Variants in KIF21A observed in about 807,000 individuals in gnomAD.
The protein encoded by KIF21A is kinesin family member 21A, also known as kinesin-like protein KIF21A.
Under a neutral mutation model 202.9 loss-of-function variants are expected in KIF21A, and 114 were observed. That is an observed-to-expected ratio of 0.56 (90% confidence interval 0.48 to 0.66). The LOEUF (loss-of-function observed/expected upper bound fraction) is 0.66, where lower values mean the gene tolerates loss of function less well. KIF21A is among the 30% of genes least tolerant of loss of function. KIF21A has a pLI of 0.00. For synonymous variants in KIF21A, 667 were observed against 670.8 expected, an observed-to-expected ratio of 0.99 and a Z score of 0.09; for missense variants, 1,677 against 1,994.9, an observed-to-expected ratio of 0.84 and a Z score of 3.04.
intron 28 of KIF21A, among the ~76,000 whole-genome samples, chr12:39,319,463 A>G (rs80309758): frequency 0.011 from 1,676 of 152,348 alleles, 40 homozygotes; most frequent in African/African-American, 0.036. Flanking sequence ...AAATGGCACA[A>G]TAACACACCC....
chr12:39,441,621 G>A, intron 1 of KIF21A, among the ~76,000 whole-genome samples: 1 of 110,266 alleles, frequency 9.1e-6, no homozygotes, highest in East Asian at 2.8e-4. Context: ...TATAACAGGT[G>A]ATTCTAACCA....
At chr12:39,389,854 T>A (rs1300332449) in intron 1 of KIF21A, among the ~76,000 whole-genome samples, 1 of 152,174 alleles carries the variant, frequency 6.6e-6, no homozygotes, top group Non-Finnish European at 1.5e-5. Flanking sequence ...TGACTACATA[T>A]TTTGAAGATT....
chr12:39,439,870 C>T (rs75760524), intron 1 of KIF21A, among the ~76,000 whole-genome samples: 168 of 152,228 alleles, frequency 1.1e-3, no homozygotes, highest in African/African-American at 4.0e-3. Context: ...GACCCATTTC[C>T]TTATCTTGAG....
At chr12:39,440,326 G>A (rs1939385843) in intron 1 of KIF21A, among the ~76,000 whole-genome samples, 1 of 152,206 alleles carries the variant, frequency 6.6e-6, no homozygotes. Flanking sequence ...GGGCTACTGA[G>A]TCAAGCTATC....
intron 10 of KIF21A, 42 bp from the exon 11 acceptor site, chr12:39,352,022 T>C (rs1474024631): frequency 2.9e-6 from 4 of 1,391,086 alleles, no homozygotes; most frequent in African/African-American, 2.8e-5. Flanking sequence ...CATTTTTCTC[T>C]GTGGATAAAA....
intron 31 of KIF21A, among the ~76,000 whole-genome samples, chr12:39,314,094 G>A (rs79367089): frequency 0.045 from 6,871 of 151,696 alleles, 217 homozygotes; most frequent in East Asian, 0.12. Flanking sequence ...GAAGACTAAC[G>A]AATGGAAATT....
In KIF21A at chr12:39,358,259, A is replaced by G. The variant is rs996770026; in HGVS notation, c.1134T>C (p.Asn378=). 6.2e-7 allele frequency: 1 copy of G among 1,613,916 alleles called. No homozygotes were observed. The highest frequency in any genetic ancestry group is 1.3e-5 in the African/African-American group (1 of 74,888). ...TGATTTGCTGACTAGCTCTGTCCTG[A>G]TTGACCATCACCTTATTCTTGATAT... is the stretch of plus-strand genomic sequence containing the variant. ...ARNIKNKVMV[N]QDRASQQINA... The change falls in exon 8 of 38, where the codon AAT becomes AAC. Residue 378 remains asparagine, a synonymous_variant. Coordinates refer to ENST00000361418, the MANE Select transcript of KIF21A (RefSeq NM_001173464.2).
intron 26 of KIF21A, among the ~76,000 whole-genome samples, chr12:39,325,498 A>AT (rs397714587): frequency 0.13 from 16,263 of 121,368 alleles, 1,217 homozygotes; most frequent in Middle Eastern, 0.19. Context: ...CGCCCAGCTA[A>AT]TTTTTTTTTT....
At chr12:39,425,504 A>T (rs781358088) in intron 1 of KIF21A, among the ~76,000 whole-genome samples, 5 of 152,254 alleles carry the variant, frequency 3.3e-5, no homozygotes, top group Non-Finnish European at 7.3e-5. Flanking sequence ...AAGAAATAAA[A>T]GAGCCTATCC....
chr12:39,420,920 T>C (rs1263427396), intron 1 of KIF21A, among the ~76,000 whole-genome samples: 1 of 151,592 alleles, frequency 6.6e-6, no homozygotes, highest in Non-Finnish European at 1.5e-5. Flanking sequence ...AACTTTATGA[T>C]CTAGGGAAAT....
At chr12:39,424,723 T>C (rs922066548) in intron 1 of KIF21A, among the ~76,000 whole-genome samples, 2 of 152,186 alleles carry the variant, frequency 1.3e-5, no homozygotes, top group Admixed American at 1.3e-4. Context: ...ATTTGTACTG[T>C]TATTTTTTTA....
At chr12:39,368,100 T>C in intron 3 of KIF21A, 68 bp from the exon 4 acceptor site, 1 of 916,270 alleles carries the variant, frequency 1.1e-6, no homozygotes, top group Non-Finnish European at 1.7e-6. Flanking sequence ...AACAACACAT[T>C]ACATAATGAT....
At chr12:39,409,956 C>T (rs1952948243) in intron 1 of KIF21A, among the ~76,000 whole-genome samples, 1 of 152,034 alleles carries the variant, frequency 6.6e-6, no homozygotes, top group Admixed American at 6.6e-5. Context: ...CTCAGCTTCC[C>T]AAGCAGCTGG....
intron 1 of KIF21A, among the ~76,000 whole-genome samples, chr12:39,427,807 T>C (rs1402317112): frequency 6.6e-6 from 1 of 152,108 alleles, no homozygotes; most frequent in East Asian, 1.9e-4. Context: ...TACAGGTGCC[T>C]GCCACCACAC....
Position 39,383,692 on chromosome 12 carries a change from C to T in KIF21A, c.45-13431G>A, listed in dbSNP as rs74416865. ...GTCACACCTATAGTCCCAGCTACTGCGGAGGCTGAAGTGAGAGGATCGCTT... is the reference window on the plus strand; with the variant it reads ...GTCACACCTATAGTCCCAGCTACTGTGGAGGCTGAAGTGAGAGGATCGCTT... On this transcript the variant is annotated intron_variant, in intron 1 of 37. Transcript: ENST00000361418. Among the ~76,000 whole-genome samples, 9 of 152,174 alleles carry T rather than the reference C, an allele frequency of 5.9e-5. No homozygotes were observed. The South Asian group carries it at 1.0e-3, about 18-fold the overall frequency.
In KIF21A at chr12:39,320,017, A is replaced by C. The variant is rs1361835507; in HGVS notation, c.3672-4T>G. The C allele has an allele frequency of 6.6e-7, 1 of 1,520,096 alleles. No homozygotes were observed. The highest frequency in any genetic ancestry group is 9.1e-7 in the Non-Finnish European group (1 of 1,098,338). The allele number at this position is 1,520,096 out of a possible 1,614,324, so 94.2% of individuals were successfully genotyped here. ...TGATAGAGATGACTGCCTGGAACTAAAGTAAAAGAAGATTCTTTAATTACC... is the reference window on the plus strand; with the variant it reads ...TGATAGAGATGACTGCCTGGAACTACAGTAAAAGAAGATTCTTTAATTACC... On this transcript the variant is annotated splice_region_variant and splice_polypyrimidine_tract_variant and intron_variant, in intron 27 of 37. Transcript: ENST00000361418.
At chr12:39,307,764 T>A (rs1943616152) in intron 33 of KIF21A, 35 bp from the exon 34 acceptor site, 1 of 1,602,576 alleles carries the variant, frequency 6.2e-7, no homozygotes, top group African/African-American at 1.3e-5. Flanking sequence ...AAAGTCACAC[T>A]TCTGGACTTG....
At chr12:39,423,302 CT>C (rs1322068911) in intron 1 of KIF21A, among the ~76,000 whole-genome samples, 2 of 151,186 alleles carry the variant, frequency 1.3e-5, no homozygotes, top group Admixed American at 1.3e-4. Context: ...TATCTCTCTT[CT>C]TTTTTTTTCC....
intron 14 of KIF21A, among the ~76,000 whole-genome samples, 188 bp from the exon 15 acceptor site, chr12:39,341,282 C>CA (rs1029190678): frequency 6.6e-6 from 1 of 152,054 alleles, no homozygotes; most frequent in African/African-American, 2.4e-5. Flanking sequence ...TGGTCAAGGA[C>CA]AATGCTATTT....
Sources: allele counts gnomAD v4.1 joint callset (sites outside exome capture counted in the v4.1 genomes callset), GRCh38; gene constraint gnomAD v4.1.1; transcripts MANE v1.5; gene names NCBI Gene and HGNC (gene_info 2026-07-23, HGNC 2026-07-21).